RANBP17: variants seen among roughly 807,000 people sequenced by gnomAD.
RANBP17 encodes the protein ran-binding protein 17.
In RANBP17, 158 loss-of-function variants were observed where a neutral mutation model predicts 141.2. The ratio of observed to expected loss-of-function variants is 1.12; its 90% CI spans 0.98 to 1.28. RANBP17 has a LOEUF of 1.28. Among genes scored for constraint, RANBP17 ranks in the 50% most tolerant of loss-of-function variants. The probability of loss-of-function intolerance (pLI) is 0.00; values close to 1 mark genes in which losing one functional copy is unlikely to be tolerated. For synonymous variants in RANBP17, 430 were observed against 450.0 expected (o/e 0.96, Z 0.56); for missense variants, 1,438 against 1,290.7 (o/e 1.11, Z -1.75).
chr5:170,970,106 G>A (rs1445405772), intron 14 of RANBP17, among the ~76,000 whole-genome samples: 1 of 151,252 alleles, frequency 6.6e-6, no homozygotes, highest in Admixed American at 6.6e-5. Flanking sequence ...GGCTTGCAAG[G>A]TTGGTATTAA....
intron 12 of RANBP17, among the ~76,000 whole-genome samples, chr5:170,935,654 A>G (rs978729977): frequency 4.6e-5 from 7 of 152,084 alleles, no homozygotes; most frequent in African/African-American, 1.7e-4. Flanking sequence ...TTCCTCTGGA[A>G]GCTTAGTCTC....
chr5:171,035,059 A>G (rs1781783362), intron 14 of RANBP17, among the ~76,000 whole-genome samples: 1 of 151,904 alleles, frequency 6.6e-6, no homozygotes, highest in East Asian at 1.9e-4. Flanking sequence ...GTAAGTGCTA[A>G]GAAGAAAAAT....
At chr5:171,098,773 CT>C (rs1786900000) in intron 14 of RANBP17, among the ~76,000 whole-genome samples, 1 of 152,010 alleles carries the variant, frequency 6.6e-6, no homozygotes, top group African/African-American at 2.4e-5. Flanking sequence ...GCTTTTAGGT[CT>C]TATGTTTAAA....
chr5:171,104,104 C>G (rs1401981427), intron 14 of RANBP17, among the ~76,000 whole-genome samples: 1 of 152,228 alleles, frequency 6.6e-6, no homozygotes, highest in Non-Finnish European at 1.5e-5. Flanking sequence ...ATGGCACAAT[C>G]TCGGCTCACT....
intron 14 of RANBP17, among the ~76,000 whole-genome samples, chr5:171,108,468 A>G (rs984312728): frequency 1.3e-5 from 2 of 152,210 alleles, no homozygotes; most frequent in Non-Finnish European, 2.9e-5. Flanking sequence ...GCTGGAGTGC[A>G]GTGGTACAAA....
chr5:171,087,314 C>G (rs1372703365), intron 14 of RANBP17, among the ~76,000 whole-genome samples: 22 of 147,664 alleles, frequency 1.5e-4, no homozygotes, highest in South Asian at 8.7e-4. Context: ...TTTGATTGCA[C>G]TGTGGTCTGA....
intron 14 of RANBP17, among the ~76,000 whole-genome samples, chr5:171,156,586 A>G (rs1438865074): frequency 6.6e-6 from 1 of 152,160 alleles, no homozygotes; most frequent in Admixed American, 6.5e-5. Context: ...GGACACAAAT[A>G]TAGACATTTC....
At chr5:171,239,514 G>T (rs1440830889) in intron 22 of RANBP17, among the ~76,000 whole-genome samples, 2 of 152,122 alleles carry the variant, frequency 1.3e-5, no homozygotes, top group Admixed American at 1.3e-4. Flanking sequence ...ACAATCTTAG[G>T]CAAAGATGGG....
intron 16 of RANBP17, among the ~76,000 whole-genome samples, chr5:171,172,402 A>C (rs1424362396): frequency 6.6e-6 from 1 of 151,744 alleles, no homozygotes; most frequent in Non-Finnish European, 1.5e-5. Flanking sequence ...CTTTGATATT[A>C]AATCAGAAAA....
At chr5:170,986,803 A>T (rs779665688) in intron 14 of RANBP17, among the ~76,000 whole-genome samples, 1 of 151,870 alleles carries the variant, frequency 6.6e-6, no homozygotes, top group African/African-American at 2.4e-5. Context: ...TTTCCCTGCA[A>T]TTGTTATGTC....
chr5:171,068,436 A>G lies in RANBP17; in HGVS notation c.1710+100059A>G, dbSNP rs1052036342. 6.6e-5 allele frequency among the ~76,000 whole-genome samples: 10 copies of G among 152,120 alleles called. 1 individual carries two copies. The highest frequency in any genetic ancestry group is 1.3e-4 in the Admixed American group (2 of 15,266). On this transcript the variant is annotated intron_variant, in intron 14 of 27. Transcript: ENST00000523189. ...GTTTTTGTCAATTTTCTTCCTGTGC[A>G]TAGCTTATACTTTCCTGGTTTCTCT...
At chr5:170,961,055 T>G (rs1776116492) in intron 13 of RANBP17, among the ~76,000 whole-genome samples, 1 of 151,994 alleles carries the variant, frequency 6.6e-6, no homozygotes, top group African/African-American at 2.4e-5. Context: ...CCCCTGCCCC[T>G]TTAGATGGCT....
chr5:171,048,193 G>T (rs969213808), intron 14 of RANBP17, among the ~76,000 whole-genome samples: 2 of 152,032 alleles, frequency 1.3e-5, no homozygotes, highest in South Asian at 4.1e-4. Flanking sequence ...TTCCCACGTA[G>T]CTGGGACCAC....
At chr5:171,244,285 C>T (rs899694748) in intron 24 of RANBP17, among the ~76,000 whole-genome samples, 2 of 151,124 alleles carry the variant, frequency 1.3e-5, no homozygotes, top group African/African-American at 4.9e-5. Context: ...CCCAGCTACT[C>T]GGGAGGCCAA....
intron 5 of RANBP17, among the ~76,000 whole-genome samples, chr5:170,905,487 C>T (rs1561875679): frequency 6.6e-6 from 1 of 152,178 alleles, no homozygotes; most frequent in South Asian, 2.1e-4. Context: ...TGTGTTCAAT[C>T]AGGAATTAGA....
intron 14 of RANBP17, among the ~76,000 whole-genome samples, chr5:171,017,092 T>A (rs1581406969): frequency 6.6e-6 from 1 of 152,192 alleles, no homozygotes; most frequent in Admixed American, 6.5e-5. Context: ...ATCTCATTCC[T>A]TATTATGTCT....
At chr5:171,117,065 G>A (rs887677113) in intron 14 of RANBP17, among the ~76,000 whole-genome samples, 25 of 152,070 alleles carry the variant, frequency 1.6e-4, no homozygotes, top group Non-Finnish European at 3.1e-4. Context: ...ATTTATCCAC[G>A]AATGGACATA....
intron 10 of RANBP17, 145 bp from the exon 11 acceptor site, chr5:170,919,296 T>C (rs1581144692): frequency 1.9e-6 from 1 of 537,486 alleles, no homozygotes. Flanking sequence ...TTTTTGCATT[T>C]ATAAATTTGC....
intron 27 of RANBP17, among the ~76,000 whole-genome samples, chr5:171,297,050 A>G (rs1768864467): frequency 6.6e-6 from 1 of 152,216 alleles, no homozygotes; most frequent in Non-Finnish European, 1.5e-5. Flanking sequence ...GATGATAATC[A>G]GTTGTGATGT....
Sources: gnomAD v4.1 joint callset for allele counts (sites outside exome capture counted in the v4.1 genomes callset) on GRCh38, gnomAD v4.1.1 for gene constraint, MANE v1.5 for transcripts, NCBI Gene and HGNC (gene_info 2026-07-23, HGNC 2026-07-21) for gene names.